The following PXK variants were observed in gnomAD, a reference collection of about 807,000 sequenced individuals.
The protein encoded by PXK is PX domain containing serine/threonine kinase like.
Under a neutral mutation model 84.7 loss-of-function variants are expected in PXK, and 35 were observed. The observed-to-expected ratio is 0.41, with a 90% CI of 0.32 to 0.55. The LOEUF (loss-of-function observed/expected upper bound fraction) is 0.55, where lower values mean the gene tolerates loss of function less well. Ranked by LOEUF, PXK falls within the 20% of genes least tolerant of loss-of-function variation. The pLI is 0.21. For missense variants in PXK, 634 were observed against 699.7 expected (o/e 0.91, Z 1.06); for synonymous variants, 253 against 260.8 (o/e 0.97, Z 0.29).
Position 58,385,966 on chromosome 3 carries a change from G to C in PXK, c.388+3266G>C, listed in dbSNP as rs1424540857. Among the ~76,000 whole-genome samples, 3 of 152,156 alleles carry C rather than the reference G, an allele frequency of 2.0e-5. No individual in the cohort carries two copies. Among genetic ancestry groups the C allele is most frequent in the Admixed American group, 1.3e-4 (2 of 15,270 alleles). ...CCTTGCTCTGATGGAGGGTGAGGGT[G>C]TCTTGTTGGAGGGGGACTGTGATGG... On this transcript the variant is annotated intron_variant, in intron 4 of 17. Transcript: ENST00000356151. This position sits in a 1 kb window ranked among gnomAD's most constrained non-coding sequence, Gnocchi z 5.1.
intron 1 of PXK, among the ~76,000 whole-genome samples, chr3:58,337,476 G>A (rs182033631): frequency 6.6e-6 from 1 of 151,900 alleles, no homozygotes. Context: ...GGATTCCAAG[G>A]TCTTTTTTTT....
chr3:58,394,501 G>A (rs1043181645), intron 7 of PXK, among the ~76,000 whole-genome samples: 2 of 152,154 alleles, frequency 1.3e-5, no homozygotes, highest in African/African-American at 4.8e-5. Context: ...CCTGTTTTCT[G>A]GCTAGTATGC....
chr3:58,408,965 A>G lies in PXK; in HGVS notation c.1272A>G (p.Glu424=). 1 of 1,593,136 alleles carries G rather than the reference A, an allele frequency of 6.3e-7. No homozygotes were observed. Among genetic ancestry groups the G allele is most frequent in the Non-Finnish European group, 8.6e-7 (1 of 1,161,144 alleles). Residue 424 remains glutamate (E), a synonymous_variant, in exon 14 of 18, where the codon GAA becomes GAG. Transcript: ENST00000356151. ...KLKEALRIAK[E]CIEKRLIEEQ... ...AAGAGGCATTGAGAATTGCCAAAGAATGTATAGAGAAGAGACTAATTGAGG... is the reference window on the plus strand; with the variant it reads ...AAGAGGCATTGAGAATTGCCAAAGAGTGTATAGAGAAGAGACTAATTGAGG...
At chr3:58,415,269 C>T (rs552967682) in intron 17 of PXK, among the ~76,000 whole-genome samples, 32 of 152,286 alleles carry the variant, frequency 2.1e-4, no homozygotes, top group African/African-American at 7.7e-4. Flanking sequence ...CGTCAGACCC[C>T]ACAGGTTGGG....
At position 58,370,770 on chromosome 3, in the gene PXK, G is replaced by A. The variant is rs2098356633; in HGVS notation, c.201+1292G>A. ...TCCCAGCACTTTGGGAGGCTGAGGC[G>A]GGTGGATCACCTGAGGTCAGGAGTT... On this transcript the variant is annotated intron_variant, in intron 3 of 17. Transcript: ENST00000356151. The surrounding 1 kb of genome is among the most constrained non-coding windows in gnomAD (Gnocchi z 4.2). 6.6e-6 allele frequency among the ~76,000 whole-genome samples: 1 copy of A among 152,136 alleles called. No individual in the cohort carries two copies. The highest frequency in any genetic ancestry group is 2.1e-4 in the South Asian group (1 of 4,832).
Position 58,399,667 on chromosome 3 carries a change from C to T in PXK, c.1181+290C>T, listed in dbSNP as rs1351261678. On this transcript the variant is annotated intron_variant, in intron 12 of 17. Coordinates refer to ENST00000356151, the MANE Select transcript of PXK (RefSeq NM_017771.5). The surrounding 1 kb of genome is among the most constrained non-coding windows in gnomAD (Gnocchi z 4.3). ...ATTAGCATTGGGTGTGCGTATGTGT[C>T]GCAGCCCCCAGCTTAGGAAATACTG... 6.6e-6 allele frequency among the ~76,000 whole-genome samples: 1 copy of T among 152,052 alleles called. No homozygotes were observed. The highest frequency in any genetic ancestry group is 1.5e-5 in the Non-Finnish European group (1 of 68,018).
intron 17 of PXK, chr3:58,420,751 C>T: frequency 7.1e-7 from 1 of 1,410,610 alleles, no homozygotes; most frequent in Non-Finnish European, 9.2e-7. Context: ...GTGACTTCAT[C>T]TATATTCATT....
intron 1 of PXK, among the ~76,000 whole-genome samples, chr3:58,349,637 T>C (rs1216822764): frequency 6.6e-6 from 1 of 152,208 alleles, no homozygotes; most frequent in African/African-American, 2.4e-5. Flanking sequence ...ATTACAGGCA[T>C]GAGCCACAGC....
At chr3:58,395,896 G>C (rs575233146) in intron 9 of PXK, 137 bp downstream of exon 9, 1 of 645,464 alleles carries the variant, frequency 1.5e-6, no homozygotes, top group Non-Finnish European at 2.5e-6. Context: ...GTCATATTTT[G>C]CCTCAAAAAG....
intron 1 of PXK, among the ~76,000 whole-genome samples, chr3:58,353,908 G>C (rs1327118353): frequency 2.0e-5 from 3 of 152,232 alleles, no homozygotes; most frequent in Non-Finnish European, 2.9e-5. Context: ...GATTTACCCT[G>C]TGAGCCAGTG....
Position 58,366,695 on chromosome 3 carries a change from A to G in PXK, c.153+771A>G, listed in dbSNP as rs191256502. Among the ~76,000 whole-genome samples the G allele has an allele frequency of 1.4e-3, 206 of 152,260 alleles. 4 individuals carry two copies. The highest frequency in any genetic ancestry group is 0.013 in the Admixed American group (204 of 15,292). On this transcript the variant is annotated intron_variant, in intron 2 of 17. Transcript: ENST00000356151. Reference sequence around the variant, plus strand: ...TTTTCTTTGCCTGAAATTTCAAACTACTGTTTGTTTGAATAATTATTATAT... The same window carrying G: ...TTTTCTTTGCCTGAAATTTCAAACTGCTGTTTGTTTGAATAATTATTATAT...
intron 1 of PXK, among the ~76,000 whole-genome samples, chr3:58,351,687 A>G (rs1247993792): frequency 4.0e-5 from 6 of 151,886 alleles, no homozygotes; most frequent in Admixed American, 6.6e-5. Context: ...TGAAAAACGT[A>G]GGAAAAAAAA....
Position 58,397,844 on chromosome 3 carries a change from CA to C in PXK, c.1102+126del, listed in dbSNP as rs758886087. 5.3e-6 allele frequency: 4 copies of C among 755,264 alleles called. No individual in the cohort carries two copies. Among genetic ancestry groups the C allele is most frequent in the Non-Finnish European group, 8.5e-6 (4 of 470,820 alleles). The allele number at this position is 755,264 out of a possible 1,614,324, so 46.8% of individuals were successfully genotyped here. A position where few individuals can be genotyped will look rare whatever the true frequency, so the allele number is the denominator to read the frequency against. On this transcript the variant is annotated intron_variant, in intron 11 of 17. Coordinates refer to ENST00000356151, the MANE Select transcript of PXK (RefSeq NM_017771.5). This position sits in a 1 kb window ranked among gnomAD's most constrained non-coding sequence, Gnocchi z 4.7. Reference sequence around the variant, plus strand: ...TGTCCTCCACAGCCAGAAATTCTTACAAAATTTAAAAGTAGACCAAATTTGA... The same window carrying C: ...TGTCCTCCACAGCCAGAAATTCTTACAAATTTAAAAGTAGACCAAATTTGA...
intron 1 of PXK, among the ~76,000 whole-genome samples, chr3:58,339,739 G>A (rs900336747): frequency 4.6e-5 from 7 of 152,120 alleles, no homozygotes; most frequent in African/African-American, 1.7e-4. Flanking sequence ...TGCTTCCCTA[G>A]GGAACAGTGG....
chr3:58,407,089 T>C lies in PXK; in HGVS notation c.1231-1835T>C, dbSNP rs919270340. ...TTGGATGTATACCCAGAAGTGGAAT[T>C]CCTCATATGGTAGTTCCATTTTGTA... On this transcript the variant is annotated intron_variant, in intron 13 of 17. Transcript: ENST00000356151. The surrounding 1 kb of genome is among the most constrained non-coding windows in gnomAD (Gnocchi z 4.3). Among the ~76,000 whole-genome samples, 5 of 152,210 alleles carry C rather than the reference T, an allele frequency of 3.3e-5. No individual in the cohort carries two copies. The highest frequency in any genetic ancestry group is 9.7e-5 in the African/African-American group (4 of 41,446).
In PXK at chr3:58,347,986, T is replaced by C. The variant is rs189268155; in HGVS notation, c.102+14896T>C. On this transcript the variant is annotated intron_variant, in intron 1 of 17. Transcript: ENST00000356151. ...TGGAGTGCAGTGGTGTGAAGTTGGC[T>C]CACCGCAACCTTCACCTCCCGGGTT... 1.1e-4 allele frequency among the ~76,000 whole-genome samples: 17 copies of C among 152,270 alleles called. No homozygotes were observed. In the East Asian group the frequency reaches 3.3e-3, roughly 29 times the overall value.
At position 58,401,598 on chromosome 3, in the gene PXK, C is replaced by T. The variant is rs988846314; in HGVS notation, c.1181+2221C>T. 1.4e-4 allele frequency among the ~76,000 whole-genome samples: 21 copies of T among 152,128 alleles called. No homozygotes were observed. In the East Asian group the frequency reaches 2.1e-3, roughly 15 times the overall value. On this transcript the variant is annotated intron_variant, in intron 12 of 17. Coordinates refer to ENST00000356151, the MANE Select transcript of PXK (RefSeq NM_017771.5). The surrounding 1 kb of genome is among the most constrained non-coding windows in gnomAD (Gnocchi z 4.4). ...CTGTGAACTCACCACTGCACTCCAG[C>T]CTAGATGACAGAGTAAGACCCTGTC... is the stretch of plus-strand genomic sequence containing the variant.
intron 1 of PXK, among the ~76,000 whole-genome samples, chr3:58,350,557 G>A (rs2097903036): frequency 6.6e-6 from 1 of 152,200 alleles, no homozygotes; most frequent in African/African-American, 2.4e-5. Context: ...AGGAACCGCT[G>A]TGCCCCTGGG....
intron 3 of PXK, among the ~76,000 whole-genome samples, chr3:58,378,666 C>G (rs1170690728): frequency 6.6e-6 from 1 of 150,814 alleles, no homozygotes; most frequent in East Asian, 2.0e-4. Context: ...TCCTGAGTAG[C>G]TGGGATTACA....
Sources: allele counts gnomAD v4.1 joint callset (sites outside exome capture counted in the v4.1 genomes callset), GRCh38; gene constraint gnomAD v4.1.1; non-coding constraint Gnocchi (gnomAD v3.1); transcripts MANE v1.5; gene names NCBI Gene and HGNC (gene_info 2026-07-23, HGNC 2026-07-21).